LRP1B: variants seen among roughly 807,000 people sequenced by gnomAD.
LRP1B encodes low-density lipoprotein receptor-related protein 1B.
LRP1B carries 217 observed loss-of-function variants against 556.6 expected under a neutral mutation model. The observed-to-expected ratio is 0.39, with a 90% CI of 0.35 to 0.44. LRP1B has a LOEUF of 0.44. Ranked by LOEUF, LRP1B falls within the 20% of genes least tolerant of loss-of-function variation. LRP1B has a pLI of 1.00. For synonymous variants in LRP1B, 2,047 were observed against 1,865.8 expected, an observed-to-expected ratio of 1.10 and a Z score of -2.50; for missense variants, 5,053 against 5,620.8, an observed-to-expected ratio of 0.90 and a Z score of 3.23.
chr2:140,835,388 C>G (rs2105084699), intron 31 of LRP1B, among the ~76,000 whole-genome samples: 1 of 152,330 alleles, frequency 6.6e-6, no homozygotes, highest in African/African-American at 2.4e-5. Context: ...GGGCTGCCAC[C>G]TGTGAGGCTT....
At chr2:141,890,640 T>C (rs1397596753) in intron 1 of LRP1B, among the ~76,000 whole-genome samples, 1 of 151,906 alleles carries the variant, frequency 6.6e-6, no homozygotes, top group Non-Finnish European at 1.5e-5. Context: ...CGACAGTCAA[T>C]TATTTATGTG....
chr2:140,350,380 A>G (rs1002256042), intron 77 of LRP1B, among the ~76,000 whole-genome samples: 1 of 151,882 alleles, frequency 6.6e-6, no homozygotes, highest in Non-Finnish European at 1.5e-5. Context: ...GCCCTACAGT[A>G]GAAGTATATT....
In LRP1B at chr2:141,910,766, C is replaced by T. The variant is rs566826857; in HGVS notation, c.83-100365G>A. Reference sequence around the variant, plus strand: ...TCATAAATACACCTAAGTAGATAATCGAAAGGACTTACGTGTTGCTTTTCA... The same window carrying T: ...TCATAAATACACCTAAGTAGATAATTGAAAGGACTTACGTGTTGCTTTTCA... On this transcript the variant is annotated intron_variant, in intron 1 of 90. Coordinates refer to ENST00000389484, the MANE Select transcript of LRP1B (RefSeq NM_018557.3). Among the ~76,000 whole-genome samples the T allele has an allele frequency of 3.3e-5, 5 of 151,866 alleles. No individual in the cohort carries two copies. The East Asian group carries it at 5.8e-4, about 18-fold the overall frequency.
intron 41 of LRP1B, among the ~76,000 whole-genome samples, chr2:140,649,929 T>A (rs561659885): frequency 1.3e-5 from 2 of 152,296 alleles, no homozygotes; most frequent in East Asian, 3.9e-4. Flanking sequence ...AAAATATAAA[T>A]CCTTGAAACA....
intron 41 of LRP1B, among the ~76,000 whole-genome samples, chr2:140,622,439 T>C (rs1683489711): frequency 6.6e-6 from 1 of 152,172 alleles, no homozygotes; most frequent in Non-Finnish European, 1.5e-5. Flanking sequence ...TGTCAATTGC[T>C]TCAGTAATCC....
chr2:140,331,158 C>T (rs1680790605), intron 79 of LRP1B, among the ~76,000 whole-genome samples: 1 of 152,040 alleles, frequency 6.6e-6, no homozygotes, highest in South Asian at 2.1e-4. Context: ...ATAGCAAAGA[C>T]ACGGAATCAA....
chr2:140,554,886 A>G (rs4990555), intron 43 of LRP1B, among the ~76,000 whole-genome samples: 8,012 of 87,638 alleles, frequency 0.091, 349 homozygotes, highest in African/African-American at 0.17. Context: ...GTGTGTGTGT[A>G]TATGTATATG....
chr2:140,326,006 G>A, intron 79 of LRP1B, 128 bp from the exon 80 acceptor site: 1 of 625,230 alleles, frequency 1.6e-6, no homozygotes, highest in Non-Finnish European at 2.9e-6. Context: ...ATTACCTGGT[G>A]CCCATCATGA....
At chr2:141,791,328 C>A (rs1394846392) in intron 2 of LRP1B, among the ~76,000 whole-genome samples, 9 of 151,924 alleles carry the variant, frequency 5.9e-5, no homozygotes, top group Admixed American at 2.6e-4. Context: ...AACTGAAAAA[C>A]CACTTTTTTC....
chr2:141,443,065 A>G (rs553752651), intron 3 of LRP1B, among the ~76,000 whole-genome samples: 6 of 152,142 alleles, frequency 3.9e-5, no homozygotes, highest in Non-Finnish European at 7.4e-5. Context: ...AAGTGTTCCT[A>G]TCTCTCCACA....
chr2:140,456,499 C>T lies in LRP1B; in HGVS notation c.9919G>A (p.Ala3307Thr), dbSNP rs770611761. 6.2e-7 allele frequency: 1 copy of T among 1,613,218 alleles called. No individual in the cohort carries two copies. Among genetic ancestry groups the T allele is most frequent in the South Asian group, 1.1e-5 (1 of 90,970 alleles). Residue 3307 changes from alanine to threonine, a missense_variant, in exon 62 of 91, where the codon GCA becomes ACA. Around this residue, in one of 5 missense-constraint regions of LRP1B, gnomAD observed 262 missense variants for 395.1 expected, o/e 0.66. Transcript: ENST00000389484. ...GATAAGCAAGTCCTATTATCAGCTGCCAGATAGAAGTTAGTGGGACATGCA... is the reference window on the plus strand; with the variant it reads ...GATAAGCAAGTCCTATTATCAGCTGTCAGATAGAAGTTAGTGGGACATGCA... ...TCACPTNFYL[A>T]ADNRTCLSNC...
At chr2:141,173,557 T>C (rs1446680354) in intron 7 of LRP1B, among the ~76,000 whole-genome samples, 1 of 152,092 alleles carries the variant, frequency 6.6e-6, no homozygotes, top group East Asian at 1.9e-4. Context: ...CTTATTTAGC[T>C]CTTTCAGACT....
At chr2:141,236,434 T>G (rs1378102232) in intron 5 of LRP1B, among the ~76,000 whole-genome samples, 2 of 152,130 alleles carry the variant, frequency 1.3e-5, no homozygotes, top group African/African-American at 2.4e-5. Flanking sequence ...GTAGAATGTT[T>G]GTTGCCAGAA....
intron 11 of LRP1B, among the ~76,000 whole-genome samples, chr2:141,030,255 A>G (rs2105412543): frequency 6.6e-6 from 1 of 152,264 alleles, no homozygotes; most frequent in Admixed American, 6.5e-5. Context: ...CATATATAAA[A>G]TACTTTGAAA....
intron 35 of LRP1B, among the ~76,000 whole-genome samples, chr2:140,737,383 T>C (rs182554378): frequency 3.9e-5 from 6 of 152,274 alleles, no homozygotes; most frequent in African/African-American, 1.4e-4. Flanking sequence ...AAAAGCATCA[T>C]CATTGACCCC....
At chr2:141,850,449 C>T (rs1697808657) in intron 1 of LRP1B, among the ~76,000 whole-genome samples, 1 of 151,432 alleles carries the variant, frequency 6.6e-6, no homozygotes, top group East Asian at 1.9e-4. Context: ...CCACAACTTT[C>T]AACATTATGA....
intron 25 of LRP1B, among the ~76,000 whole-genome samples, chr2:140,882,101 A>G (rs1054399722): frequency 6.6e-6 from 1 of 152,164 alleles, no homozygotes; most frequent in Non-Finnish European, 1.5e-5. Context: ...GTTGGTATAC[A>G]TGCTAGGACT....
At chr2:141,665,497 T>C (rs1690393565) in intron 2 of LRP1B, among the ~76,000 whole-genome samples, 2 of 152,234 alleles carry the variant, frequency 1.3e-5, no homozygotes, top group South Asian at 2.1e-4. Context: ...ATTAATTCAA[T>C]CATTGTGGAA....
intron 41 of LRP1B, among the ~76,000 whole-genome samples, chr2:140,689,526 T>C (rs72981814): frequency 0.014 from 2,156 of 152,336 alleles, 43 homozygotes; most frequent in African/African-American, 0.048. Flanking sequence ...GTGAAGTTTT[T>C]CTTTTAACAA....
Sources: allele counts gnomAD v4.1 joint callset (sites outside exome capture counted in the v4.1 genomes callset), GRCh38; gene constraint gnomAD v4.1.1; regional missense constraint gnomAD v4.1.1; transcripts MANE v1.5; gene names NCBI Gene and HGNC (gene_info 2026-07-23, HGNC 2026-07-21).